Variants in RABGAP1L observed in about 807,000 individuals in gnomAD.
RABGAP1L encodes the protein RAB GTPase activating protein 1 like.
RABGAP1L carries 63 observed loss-of-function variants against 137.7 expected under a neutral mutation model. The ratio of observed to expected loss-of-function variants is 0.46; its 90% confidence interval spans 0.37 to 0.56. The LOEUF is 0.56. Among genes scored for constraint, RABGAP1L ranks in the 20% least tolerant of loss-of-function variants. The probability of loss-of-function intolerance (pLI) is 0.00; values close to 1 mark genes in which losing one functional copy is unlikely to be tolerated. For missense variants in RABGAP1L, 1,095 were observed against 1,244.0 expected (o/e 0.88, Z 1.80); for synonymous variants, 431 against 433.7 (o/e 0.99, Z 0.08).
chr1:174,172,268 T>G (rs1665479339), intron 1 of RABGAP1L, among the ~76,000 whole-genome samples: 1 of 151,792 alleles, frequency 6.6e-6, no homozygotes, highest in African/African-American at 2.4e-5. Flanking sequence ...ACACTTAGGT[T>G]GTTTCCATAA....
intron 13 of RABGAP1L, among the ~76,000 whole-genome samples, chr1:174,527,063 T>G (rs916592650): frequency 1.1e-4 from 16 of 152,368 alleles, no homozygotes; most frequent in African/African-American, 3.6e-4. Flanking sequence ...TGTATTTCCA[T>G]CTGAATGTTT....
intron 23 of RABGAP1L, among the ~76,000 whole-genome samples, chr1:174,979,884 T>A (rs1194584048): frequency 6.6e-6 from 1 of 152,228 alleles, no homozygotes; most frequent in African/African-American, 2.4e-5. Flanking sequence ...GTTTCTAGAA[T>A]TAATTAAAGT....
At position 174,974,096 on chromosome 1, in the gene RABGAP1L, C is replaced by T. The variant is rs373922708; in HGVS notation, c.2545-1982C>T. On this transcript the variant is annotated intron_variant, in intron 21 of 25. Transcript: ENST00000681986. ...CTCCGCCTCCTGGTTTCACGCCATT[C>T]TCCTGCCTCAGCCTCCTGAGTAGCT... Among the ~76,000 whole-genome samples, 20 of 147,216 alleles carry T rather than the reference C, an allele frequency of 1.4e-4. 2 individuals are homozygous for T. Among genetic ancestry groups the T allele is most frequent in the African/African-American group, 5.0e-4 (20 of 40,394 alleles).
intron 12 of RABGAP1L, among the ~76,000 whole-genome samples, chr1:174,386,188 G>A (rs1441510765): frequency 2.0e-5 from 3 of 152,190 alleles, no homozygotes; most frequent in Non-Finnish European, 4.4e-5. Flanking sequence ...ACAGTTCAGT[G>A]TACTTACTAT....
Position 174,635,320 on chromosome 1 carries a change from C to T in RABGAP1L, c.1711-2055C>T, listed in dbSNP as rs1673906555. On this transcript the variant is annotated intron_variant, in intron 13 of 25. Coordinates refer to ENST00000681986, the MANE Select transcript of RABGAP1L (RefSeq NM_001366446.1). The stretch of plus-strand genomic sequence containing the variant: ...TACCCCTGAAATATTTCAGCAATGG[C>T]AGTAGTAACATTTTTATTCCTCATC... Among the ~76,000 whole-genome samples, 5 of 152,126 alleles carry T rather than the reference C, an allele frequency of 3.3e-5. No individual in the cohort carries two copies. In the South Asian group the frequency reaches 8.3e-4, roughly 25 times the overall value.
At chr1:174,694,595 A>G (rs1409626132) in intron 15 of RABGAP1L, among the ~76,000 whole-genome samples, 3 of 151,514 alleles carry the variant, frequency 2.0e-5, no homozygotes, top group African/African-American at 4.8e-5. Flanking sequence ...AATCCAGTCT[A>G]TCATTGTTGG....
At chr1:174,443,271 T>G (rs879417595) in intron 13 of RABGAP1L, among the ~76,000 whole-genome samples, 1 of 152,102 alleles carries the variant, frequency 6.6e-6, no homozygotes, top group Non-Finnish European at 1.5e-5. Context: ...GATAGTTCTA[T>G]TTTTAAATTT....
At chr1:174,374,880 A>AAT (rs1245172331) in intron 12 of RABGAP1L, among the ~76,000 whole-genome samples, 1 of 152,192 alleles carries the variant, frequency 6.6e-6, no homozygotes, top group Non-Finnish European at 1.5e-5. Context: ...AGATTGAGAA[A>AAT]ATACCTTAAT....
At chr1:174,520,826 C>T (rs965071248) in intron 13 of RABGAP1L, among the ~76,000 whole-genome samples, 1 of 152,016 alleles carries the variant, frequency 6.6e-6, no homozygotes, top group Non-Finnish European at 1.5e-5. Context: ...CATGGTGAAA[C>T]CCCGTCTCTA....
intron 13 of RABGAP1L, among the ~76,000 whole-genome samples, chr1:174,585,798 G>T (rs1274325640): frequency 6.6e-6 from 1 of 152,176 alleles, no homozygotes; most frequent in African/African-American, 2.4e-5. Context: ...TCAGTGGTTG[G>T]TTGACTGATT....
At chr1:174,298,436 T>C (rs978615305) in intron 10 of RABGAP1L, among the ~76,000 whole-genome samples, 3 of 152,196 alleles carry the variant, frequency 2.0e-5, no homozygotes, top group African/African-American at 7.2e-5. Context: ...TTTATCCAAA[T>C]AGGAAGCTTG....
intron 19 of RABGAP1L, among the ~76,000 whole-genome samples, chr1:174,946,940 ATGTGTGTG>A (rs755558389): frequency 0.015 from 914 of 60,768 alleles, 24 homozygotes; most frequent in Middle Eastern, 0.053. Context: ...ATATATATAT[ATGTGTGTG>A]TGTGTGTGTG....
intron 21 of RABGAP1L, among the ~76,000 whole-genome samples, chr1:174,975,527 T>TGTGAGTGGCCATGTGGGCA (rs1285031313): frequency 6.6e-6 from 1 of 152,200 alleles, no homozygotes. Context: ...CACTGCCCTG[T>TGTGAGTGGCCATGTGGGCA]GTGAGTGGCC....
chr1:174,632,832 GT>G (rs1337445014), intron 13 of RABGAP1L, among the ~76,000 whole-genome samples: 1 of 148,814 alleles, frequency 6.7e-6, no homozygotes, highest in African/African-American at 2.5e-5. Flanking sequence ...TTTGCCTTTG[GT>G]TTGAATGTCC....
intron 16 of RABGAP1L, chr1:174,701,098 G>T (rs1357431411): frequency 9.2e-6 from 12 of 1,303,980 alleles, no homozygotes; most frequent in Middle Eastern, 2.1e-4. Context: ...TCTTTTTGTG[G>T]TCTATTTAGG....
intron 13 of RABGAP1L, among the ~76,000 whole-genome samples, chr1:174,409,006 G>A (rs923778698): frequency 6.6e-6 from 1 of 152,074 alleles, no homozygotes; most frequent in African/African-American, 2.4e-5. Flanking sequence ...CTCCTATTCT[G>A]TAGGTTTTCT....
At chr1:174,975,627 C>T (rs10912862) in intron 21 of RABGAP1L, among the ~76,000 whole-genome samples, 17,727 of 152,176 alleles carry the variant, frequency 0.12, 3,433 homozygotes, top group African/African-American at 0.4. Context: ...TCTGAGTCAA[C>T]CCCCATTCTC....
At chr1:174,642,475 TA>T (rs1674605577) in intron 14 of RABGAP1L, among the ~76,000 whole-genome samples, 1 of 152,136 alleles carries the variant, frequency 6.6e-6, no homozygotes, top group Non-Finnish European at 1.5e-5. Context: ...TTTCTAGACA[TA>T]GGGGGTATTT....
At chr1:174,443,947 C>G (rs1301031860) in intron 13 of RABGAP1L, among the ~76,000 whole-genome samples, 1 of 152,006 alleles carries the variant, frequency 6.6e-6, no homozygotes, top group African/African-American at 2.4e-5. Flanking sequence ...GTCTTTTCAA[C>G]AGTGTATTTT....
Sources: allele counts gnomAD v4.1 joint callset (sites outside exome capture counted in the v4.1 genomes callset), GRCh38; gene constraint gnomAD v4.1.1; transcripts MANE v1.5; gene names NCBI Gene and HGNC (gene_info 2026-07-23, HGNC 2026-07-21).